Variants in WLS observed in about 807,000 individuals in gnomAD.
WLS encodes protein wntless homolog.
In WLS, 23 loss-of-function variants were observed where a neutral mutation model predicts 62.8. That is an observed-to-expected ratio of 0.37 (90% CI 0.26 to 0.52). The LOEUF is 0.52. Among genes scored for constraint, WLS ranks in the 20% least tolerant of loss-of-function variants. The pLI is 0.92. For synonymous variants in WLS, 246 were observed against 244.1 expected, an observed-to-expected ratio of 1.01 and a Z score of -0.07; for missense variants, 615 against 697.3, an observed-to-expected ratio of 0.88 and a Z score of 1.33.
chr1:68,211,385 A>G (rs1649510480), intron 1 of WLS, among the ~76,000 whole-genome samples: 1 of 142,564 alleles, frequency 7.0e-6, no homozygotes, highest in South Asian at 2.3e-4. Context: ...TTTTTCTTAA[A>G]AAACAACAAA....
intron 11 of WLS, among the ~76,000 whole-genome samples, chr1:68,115,532 G>C (rs772734614): frequency 6.6e-6 from 1 of 152,200 alleles, no homozygotes; most frequent in Non-Finnish European, 1.5e-5. Flanking sequence ...CACAGGGCAA[G>C]TCACTCAACC....
chr1:68,147,055 T>C (rs942461589), intron 8 of WLS, among the ~76,000 whole-genome samples: 20 of 152,128 alleles, frequency 1.3e-4, no homozygotes, highest in African/African-American at 4.8e-4. Context: ...CTGGCCCAAA[T>C]TGTCTATTTT....
chr1:68,214,016 T>C (rs1649629672), intron 1 of WLS, among the ~76,000 whole-genome samples: 1 of 152,164 alleles, frequency 6.6e-6, no homozygotes, highest in Admixed American at 6.5e-5. Context: ...AGGATCTTCA[T>C]TTCAGCTGCT....
chr1:68,098,503 T>A (rs1646036396), exon 12 of WLS: 3 of 1,410,320 alleles, frequency 2.1e-6, no homozygotes, highest in African/African-American at 2.9e-5. Context: ...TTGTTGACGC[T>A]TTTTTCCTTA....
intron 11 of WLS, among the ~76,000 whole-genome samples, chr1:68,105,288 G>T (rs1383719736): frequency 6.6e-6 from 1 of 152,190 alleles, no homozygotes. Context: ...TAACCTGAGT[G>T]CTTATACTTT....
At chr1:68,130,251 C>T (rs1463136347) in intron 11 of WLS, among the ~76,000 whole-genome samples, 1 of 152,180 alleles carries the variant, frequency 6.6e-6, no homozygotes, top group Non-Finnish European at 1.5e-5. Flanking sequence ...ATTACAGATT[C>T]CGGGAGAGAT....
chr1:68,146,017 T>A lies in WLS; in HGVS notation c.1135-5A>T. 1 of 1,613,860 alleles carries A rather than the reference T, an allele frequency of 6.2e-7. No homozygotes were observed. Among genetic ancestry groups the A allele is most frequent in the Non-Finnish European group, 8.5e-7 (1 of 1,179,840 alleles). On this transcript the variant is annotated splice_region_variant and splice_polypyrimidine_tract_variant and intron_variant, in intron 8 of 11. Coordinates refer to ENST00000262348, the MANE Select transcript of WLS (RefSeq NM_024911.7). ...AGCCACGATGATGAAGGCCATCTGG[T>A]CGTGTCCAGTAAAGGAAACAACGGG...
At chr1:68,215,898 CTTCT>C (rs1030376652) in intron 1 of WLS, among the ~76,000 whole-genome samples, 6 of 152,316 alleles carry the variant, frequency 3.9e-5, no homozygotes, top group South Asian at 2.1e-4. Flanking sequence ...TCCCTGGTTC[CTTCT>C]TTAAGATTTA....
chr1:68,162,646 T>A, intron 2 of WLS: 2 of 1,242,994 alleles, frequency 1.6e-6, no homozygotes, highest in Non-Finnish European at 2.4e-6. Flanking sequence ...CAGCCATGTG[T>A]TCCTCTGGTA....
chr1:68,195,718 T>TC (rs1404692702), intron 1 of WLS, among the ~76,000 whole-genome samples: 1 of 152,072 alleles, frequency 6.6e-6, no homozygotes, highest in Non-Finnish European at 1.5e-5. Flanking sequence ...TTTATGTTTT[T>TC]CCCCCCATGC....
Position 68,159,307 on chromosome 1 carries a change from C to T in WLS, c.380-60G>A, listed in dbSNP as rs1570914580. The T allele has an allele frequency of 7.0e-6, 11 of 1,575,766 alleles. No individual in the cohort carries two copies. The East Asian group carries it at 2.3e-4, about 32-fold the overall frequency. On this transcript the variant is annotated intron_variant, in intron 2 of 11. Transcript: ENST00000262348. ...TTTTGGAAAGATATTTTAGAAACAGCTCAAAAAATTCTTATAGGCTTTGAC... is the reference window on the plus strand; with the variant it reads ...TTTTGGAAAGATATTTTAGAAACAGTTCAAAAAATTCTTATAGGCTTTGAC...
chr1:68,198,534 C>T (rs774459263), intron 1 of WLS, among the ~76,000 whole-genome samples: 2 of 152,120 alleles, frequency 1.3e-5, no homozygotes, highest in Non-Finnish European at 2.9e-5. Context: ...CCTGAAGTCT[C>T]TATGAAAATT....
intron 11 of WLS, among the ~76,000 whole-genome samples, chr1:68,099,074 A>G (rs936346106): frequency 6.6e-6 from 1 of 152,212 alleles, no homozygotes. Flanking sequence ...ATCTTAAGAT[A>G]GAACTGCCCC....
In WLS at chr1:68,161,968, G is replaced by T. The variant is rs796324881; in HGVS notation, c.380-2721C>A. The T allele has an allele frequency of 1.2e-5, 20 of 1,608,618 alleles. No individual in the cohort carries two copies. The South Asian group carries it at 1.8e-4, about 14-fold the overall frequency. On this transcript the variant is annotated intron_variant, in intron 2 of 11. Coordinates refer to ENST00000262348, the MANE Select transcript of WLS (RefSeq NM_024911.7). ...GGCACCATTGAGCTCAGGATGAATT[G>T]CTTGCTGGTCTATTACTGACCAAGG...
At chr1:68,210,264 G>T (rs1649458982) in intron 1 of WLS, among the ~76,000 whole-genome samples, 1 of 152,216 alleles carries the variant, frequency 6.6e-6, no homozygotes, top group African/African-American at 2.4e-5. Flanking sequence ...GAAAGGGACA[G>T]CAAGTATGGT....
intron 2 of WLS, among the ~76,000 whole-genome samples, chr1:68,188,581 C>T (rs989717230): frequency 7.2e-5 from 11 of 152,022 alleles, no homozygotes; most frequent in Admixed American, 1.3e-4. Flanking sequence ...GGAATGAGGA[C>T]GGGAGATAAT....
At chr1:68,129,393 T>G (rs1384439903) in intron 11 of WLS, among the ~76,000 whole-genome samples, 2 of 152,248 alleles carry the variant, frequency 1.3e-5, no homozygotes, top group Non-Finnish European at 2.9e-5. Flanking sequence ...TGCTTTTGTA[T>G]CTGATAAATT....
Position 68,155,331 on chromosome 1 carries a change from T to C in WLS, c.505-71A>G. ...AGACTGGCTCTGAATTCTGTTACCC[T>C]GGATCCATAACATCAATTGTAAGCA... On this transcript the variant is annotated intron_variant, in intron 3 of 11. Transcript: ENST00000262348. The C allele has an allele frequency of 3.3e-6, 5 of 1,522,168 alleles. No individual in the cohort carries two copies. In the South Asian group the frequency reaches 3.9e-5, roughly 12 times the overall value. The allele number at this position is 1,522,168 out of a possible 1,614,324, so 94.3% of individuals were successfully genotyped here.
At chr1:68,175,809 C>G (rs973091495) in intron 2 of WLS, among the ~76,000 whole-genome samples, 8 of 152,152 alleles carry the variant, frequency 5.3e-5, no homozygotes, top group African/African-American at 7.2e-5. Context: ...CACCGCATAC[C>G]AGCATGACTA....
Sources: allele counts gnomAD v4.1 joint callset (sites outside exome capture counted in the v4.1 genomes callset), GRCh38; gene constraint gnomAD v4.1.1; transcripts MANE v1.5; gene names NCBI Gene and HGNC (gene_info 2026-07-23, HGNC 2026-07-21).